Variants in DAB2 observed in about 807,000 individuals in gnomAD.
The protein encoded by DAB2 is disabled homolog 2.
DAB2 carries 28 observed loss-of-function variants against 71.6 expected under a neutral mutation model. The observed-to-expected ratio is 0.39, with a 90% CI of 0.29 to 0.54. The LOEUF (loss-of-function observed/expected upper bound fraction) is 0.54, where lower values mean the gene tolerates loss of function less well. Ranked by LOEUF, DAB2 falls within the 20% of genes least tolerant of loss-of-function variation. DAB2 has a pLI of 0.68. For missense variants in DAB2, 867 were observed against 928.8 expected (o/e 0.93, Z 0.86); for synonymous variants, 345 against 339.7 (o/e 1.02, Z -0.17).
intron 1 of DAB2, among the ~76,000 whole-genome samples, chr5:39,402,405 G>T (rs1369138537): frequency 6.6e-6 from 1 of 152,084 alleles, no homozygotes; most frequent in Non-Finnish European, 1.5e-5. Context: ...AGGTGGAATG[G>T]TGTAATACTT....
chr5:39,392,036 T>C (rs1222614792), intron 4 of DAB2, among the ~76,000 whole-genome samples: 2 of 147,696 alleles, frequency 1.4e-5, no homozygotes, highest in South Asian at 4.2e-4. Context: ...TATATTTTAA[T>C]GTATATTTGT....
At position 39,372,878 on chromosome 5, in the gene DAB2, C is replaced by G. The variant is rs1579894749; in HGVS notation, c.*553G>C. 6.6e-6 allele frequency: 1 copy of G among 152,002 alleles called. No homozygotes were observed. Among genetic ancestry groups the G allele is most frequent in the Admixed American group, 6.6e-5 (1 of 15,254 alleles). The allele number at this position is 152,002 out of a possible 1,614,324, so 9.4% of individuals were successfully genotyped here. A position where few individuals can be genotyped will look rare whatever the true frequency, so the allele number is the denominator to read the frequency against. ...AAAAAGGTCCTTAAGTGGTTAGATT[C>G]CAAAGTGTCTAAGGAGAAGTTGTAG... On this transcript the variant is annotated 3_prime_UTR_variant, in exon 15 of 15. Coordinates refer to ENST00000320816, the MANE Select transcript of DAB2 (RefSeq NM_001343.4).
rs371886035 is a variant in DAB2, at chr5:39,388,320, G to A, written c.672C>T (p.Asp224=). The change falls in exon 9 of 15, where the codon GAC becomes GAT. Residue 224 remains aspartate (D), a synonymous_variant. Transcript: ENST00000320816. ...AAACACTTACTGTTGGACTATTTAG[G>A]TCAGGAGGTGTAGACATGTCCCCAA... is the stretch of plus-strand genomic sequence containing the variant. ...DLFGDMSTPP[D]LNSPTESKDI... 20 of 1,611,806 alleles carry A rather than the reference G, an allele frequency of 1.2e-5. No homozygotes were observed. Among genetic ancestry groups the A allele is most frequent in the Middle Eastern group, 1.7e-4 (1 of 6,048 alleles).
In DAB2 at chr5:39,373,965, G is replaced by T. The variant is rs540088243; in HGVS notation, c.*6-540C>A. ...GGGCTGCAGTAGGACCCAGGAATTT[G>T]CATTTTTAATGATTTACCCAGTTCT... On this transcript the variant is annotated intron_variant, in intron 14 of 14. Coordinates refer to ENST00000320816, the MANE Select transcript of DAB2 (RefSeq NM_001343.4). Among the ~76,000 whole-genome samples, 209 of 152,196 alleles carry T rather than the reference G, an allele frequency of 1.4e-3. 10 individuals are homozygous for T. In the South Asian group the frequency reaches 0.04, roughly 29 times the overall value.
chr5:39,409,944 G>A (rs1172741754), intron 1 of DAB2, among the ~76,000 whole-genome samples: 1 of 152,106 alleles, frequency 6.6e-6, no homozygotes, highest in Non-Finnish European at 1.5e-5. Flanking sequence ...TTCTTTCTTG[G>A]TTGTAATACT....
chr5:39,392,571 C>T (rs1755259433), intron 3 of DAB2, 108 bp from the exon 4 acceptor site: 1 of 771,702 alleles, frequency 1.3e-6, no homozygotes. Context: ...ACTTGATCTG[C>T]CATCGATGAG....
chr5:39,405,376 AC>A (rs752713082), intron 1 of DAB2, among the ~76,000 whole-genome samples: 21 of 152,372 alleles, frequency 1.4e-4, no homozygotes, highest in Non-Finnish European at 2.9e-4. Context: ...ACTACACAGA[AC>A]AGGAATCCAA....
At chr5:39,417,553 A>G (rs1040580731) in intron 1 of DAB2, 1 of 152,170 alleles carries the variant, frequency 6.6e-6, no homozygotes, top group Non-Finnish European at 1.5e-5. Flanking sequence ...AGCCAAATCC[A>G]TTAACACCAA....
At chr5:39,413,136 G>A (rs1273249720) in intron 1 of DAB2, among the ~76,000 whole-genome samples, 1 of 152,126 alleles carries the variant, frequency 6.6e-6, no homozygotes. Flanking sequence ...CAGGGACATG[G>A]CATCAAAGAG....
chr5:39,423,103 T>C (rs977309172), intron 1 of DAB2, among the ~76,000 whole-genome samples: 2 of 152,190 alleles, frequency 1.3e-5, no homozygotes, highest in African/African-American at 4.8e-5. Flanking sequence ...TAGGAGGGCA[T>C]AGCTGAAAAA....
chr5:39,375,881 G>C lies in DAB2; in HGVS notation c.2247+116C>G, dbSNP rs139568601. ...AGCCTGGCCGACAGAGCAAGACTCTGTCTTAAAAAAATAAATAAATAAATA... is the reference window on the plus strand; with the variant it reads ...AGCCTGGCCGACAGAGCAAGACTCTCTCTTAAAAAAATAAATAAATAAATA... On this transcript the variant is annotated intron_variant, in intron 13 of 14. Coordinates refer to ENST00000320816, the MANE Select transcript of DAB2 (RefSeq NM_001343.4). 4.0e-3 allele frequency: 3,275 copies of C among 811,412 alleles called. 10 individuals are homozygous for C. The highest frequency in any genetic ancestry group is 5.8e-3 in the Non-Finnish European group (2,949 of 510,972). 50.3% of individuals were successfully genotyped at this position (811,412 alleles called of 1,614,324 possible).
In DAB2 at chr5:39,372,327, T is replaced by C. The variant is rs1754718532; in HGVS notation, c.*1104A>G. 1 of 152,232 alleles carries C rather than the reference T, an allele frequency of 6.6e-6. No individual in the cohort carries two copies. Among genetic ancestry groups the C allele is most frequent in the African/African-American group, 2.4e-5 (1 of 41,462 alleles). 9.4% of individuals were successfully genotyped at this position (152,232 alleles called of 1,614,324 possible). A position where few individuals can be genotyped will look rare whatever the true frequency, so the allele number is the denominator to read the frequency against. ...CTACTAACGACATTGAGATTGTGGC[T>C]GCAAGAAAAGTTTTCCAGTTACTTG... On this transcript the variant is annotated 3_prime_UTR_variant, in exon 15 of 15. Transcript: ENST00000320816.
intron 1 of DAB2, among the ~76,000 whole-genome samples, chr5:39,411,524 C>T (rs992830894): frequency 6.6e-6 from 1 of 152,144 alleles, no homozygotes; most frequent in East Asian, 1.9e-4. Context: ...ATAAAAGTAA[C>T]TTGATTTGGT....
rs570898601 is a variant in DAB2, at chr5:39,402,007, T to C, written c.-101-7586A>G. ...CCACGTAGCTGGGGAGGCCTCACAA[T>C]CGTGGTGGAAGGTGAAAGGCACGTC... is the stretch of plus-strand genomic sequence containing the variant. On this transcript the variant is annotated intron_variant, in intron 1 of 14. Coordinates refer to ENST00000320816, the MANE Select transcript of DAB2 (RefSeq NM_001343.4). Among the ~76,000 whole-genome samples, 31 of 152,106 alleles carry C rather than the reference T, an allele frequency of 2.0e-4. No individual in the cohort carries two copies. The South Asian group carries it at 4.8e-3, about 23-fold the overall frequency.
intron 2 of DAB2, 38 bp downstream of exon 2, chr5:39,394,192 T>C (rs1435441306): frequency 1.3e-6 from 2 of 1,529,218 alleles, no homozygotes; most frequent in Non-Finnish European, 1.8e-6. Flanking sequence ...TAACCATCTC[T>C]AGCTCCCTTC....
At chr5:39,414,937 C>G (rs1755814478) in intron 1 of DAB2, among the ~76,000 whole-genome samples, 1 of 152,018 alleles carries the variant, frequency 6.6e-6, no homozygotes, top group Non-Finnish European at 1.5e-5. Flanking sequence ...GACATGGTCT[C>G]TACTCTAAAG....
intron 1 of DAB2, among the ~76,000 whole-genome samples, chr5:39,395,991 G>A (rs1278014274): frequency 4.4e-5 from 5 of 114,236 alleles, no homozygotes; most frequent in Non-Finnish European, 4.9e-5. Flanking sequence ...CGCCCAGGCT[G>A]GAGTGCAGTG....
In DAB2 at chr5:39,397,567, G is replaced by A. The variant is rs185689717; in HGVS notation, c.-101-3146C>T. On this transcript the variant is annotated intron_variant, in intron 1 of 14. Coordinates refer to ENST00000320816, the MANE Select transcript of DAB2 (RefSeq NM_001343.4). Reference sequence around the variant, plus strand: ...ACCATGAACAAGCCTGATTTTGGAAGCTAAGCAGGGTCAGGCCTGGTTAGT... The same window carrying A: ...ACCATGAACAAGCCTGATTTTGGAAACTAAGCAGGGTCAGGCCTGGTTAGT... Among the ~76,000 whole-genome samples, 81 of 152,286 alleles carry A rather than the reference G, an allele frequency of 5.3e-4. No homozygotes were observed. The South Asian group carries it at 0.012, about 23-fold the overall frequency.
At chr5:39,379,926 C>T (rs1754939927) in intron 11 of DAB2, among the ~76,000 whole-genome samples, 1 of 152,182 alleles carries the variant, frequency 6.6e-6, no homozygotes, top group African/African-American at 2.4e-5. Flanking sequence ...GGGCACCTAG[C>T]CAAAAAGCTT....
Sources: allele counts gnomAD v4.1 joint callset (sites outside exome capture counted in the v4.1 genomes callset), GRCh38; gene constraint gnomAD v4.1.1; transcripts MANE v1.5; gene names NCBI Gene and HGNC (gene_info 2026-07-23, HGNC 2026-07-21).